The following EYS variants were observed in gnomAD, a reference collection of about 807,000 sequenced individuals.
EYS encodes the protein protein eyes shut homolog.
A neutral mutation model predicts 282.1 loss-of-function variants in EYS; 250 were observed. The ratio of observed to expected loss-of-function variants is 0.89; its 90% CI spans 0.80 to 0.98. EYS has a LOEUF of 0.98. Among genes scored for constraint, EYS ranks in the 50% least tolerant of loss-of-function variants. EYS has a pLI of 0.00. For synonymous variants in EYS, 1,355 were observed against 1,282.9 expected, an observed-to-expected ratio of 1.06 and a Z score of -1.20; for missense variants, 4,016 against 3,709.0, an observed-to-expected ratio of 1.08 and a Z score of -2.15.
At chr6:65,665,588 T>C (rs1443221881) in intron 1 of EYS, among the ~76,000 whole-genome samples, 1 of 152,096 alleles carries the variant, frequency 6.6e-6, no homozygotes, top group Admixed American at 6.6e-5. Flanking sequence ...TGTTATAATA[T>C]GAAATTGTGG....
intron 35 of EYS, among the ~76,000 whole-genome samples, chr6:63,969,764 G>A (rs1766468325): frequency 6.6e-6 from 1 of 152,160 alleles, no homozygotes; most frequent in African/African-American, 2.4e-5. Context: ...CATAATATAT[G>A]GGGCCCAGTT....
At chr6:64,725,132 C>A (rs1771711176) in intron 22 of EYS, among the ~76,000 whole-genome samples, 1 of 152,098 alleles carries the variant, frequency 6.6e-6, no homozygotes, top group South Asian at 2.1e-4. Flanking sequence ...ATGGGAAAAT[C>A]TTACATTTAA....
chr6:65,306,451 G>A (rs1244446287), intron 11 of EYS, among the ~76,000 whole-genome samples: 2 of 152,022 alleles, frequency 1.3e-5, no homozygotes, highest in East Asian at 1.9e-4. Flanking sequence ...GGGGTAGAAT[G>A]TTCAGGTTTC....
rs116375149 is a variant in EYS, at chr6:64,772,318, A to T, written c.3443+41060T>A. Among the ~76,000 whole-genome samples, 182 of 151,788 alleles carry T rather than the reference A, an allele frequency of 1.2e-3. 2 individuals carry two copies. Among genetic ancestry groups the T allele is most frequent in the African/African-American group, 3.9e-3 (163 of 41,494 alleles). ...CATGGTTGTCTAATTAGTTTTGAATATGAGTATCTGTTGATTTGTGTAAGT... is the reference window on the plus strand; with the variant it reads ...CATGGTTGTCTAATTAGTTTTGAATTTGAGTATCTGTTGATTTGTGTAAGT... On this transcript the variant is annotated intron_variant, in intron 22 of 42. Transcript: ENST00000503581.
chr6:64,526,247 T>C (rs1159588937), intron 26 of EYS, among the ~76,000 whole-genome samples: 3 of 151,704 alleles, frequency 2.0e-5, no homozygotes, highest in Admixed American at 6.6e-5. Flanking sequence ...ATCCTCGTGG[T>C]GATAGGAATG....
intron 14 of EYS, among the ~76,000 whole-genome samples, chr6:64,951,693 C>A (rs1769517110): frequency 6.6e-6 from 1 of 151,366 alleles, no homozygotes; most frequent in South Asian, 2.1e-4. Context: ...AAATTATAAC[C>A]TGAAATTTAA....
At chr6:64,268,805 G>C (rs904156782) in intron 30 of EYS, among the ~76,000 whole-genome samples, 1 of 152,112 alleles carries the variant, frequency 6.6e-6, no homozygotes. Context: ...GAGAAGCTTA[G>C]ACAATCCCAC....
At chr6:65,465,967 TATCA>T (rs34867855) in intron 5 of EYS, among the ~76,000 whole-genome samples, 62,741 of 150,390 alleles carry the variant, frequency 0.42, 13,197 homozygotes, top group Middle Eastern at 0.52. Flanking sequence ...TAAGACCCTG[TATCA>T]ATCAATCAAT....
chr6:63,987,591 C>T (rs538066995), intron 34 of EYS, among the ~76,000 whole-genome samples: 6 of 151,788 alleles, frequency 4.0e-5, no homozygotes, highest in African/African-American at 1.2e-4. Context: ...CACTGCTCTT[C>T]AGGGCTGTTA....
At chr6:65,074,588 TATG>T (rs914027860) in intron 12 of EYS, among the ~76,000 whole-genome samples, 54 of 152,208 alleles carry the variant, frequency 3.5e-4, no homozygotes, top group Middle Eastern at 3.4e-3. Flanking sequence ...AAGCAGAGTG[TATG>T]ATATTATTCC....
chr6:64,725,359 C>T (rs1158997797), intron 22 of EYS, among the ~76,000 whole-genome samples: 2 of 152,038 alleles, frequency 1.3e-5, no homozygotes, highest in Admixed American at 6.6e-5. Context: ...ACTTTCCTAT[C>T]GTGTTCTCCC....
chr6:64,662,645 G>T (rs1324813143), intron 22 of EYS, among the ~76,000 whole-genome samples: 1 of 152,090 alleles, frequency 6.6e-6, no homozygotes, highest in African/African-American at 2.4e-5. Flanking sequence ...ACTATTATAG[G>T]CTAAATCAAA....
At chr6:63,910,857 T>C (rs1026304641) in intron 35 of EYS, among the ~76,000 whole-genome samples, 15 of 152,176 alleles carry the variant, frequency 9.9e-5, no homozygotes, top group Non-Finnish European at 1.8e-4. Flanking sequence ...ATTTGTGTGA[T>C]TTATTGGCTT....
At chr6:64,274,481 G>GTTTTTTTTTTTTTTTTTTTTTT (rs10640761) in intron 30 of EYS, among the ~76,000 whole-genome samples, 4 of 92,230 alleles carry the variant, frequency 4.3e-5, no homozygotes, top group African/African-American at 1.9e-4. Flanking sequence ...ACGCCTGGCC[G>GTTTTTTTTTTTTTTTTTTTTTT]TTTTTTTTTT....
At chr6:65,142,721 C>A (rs1171040713) in intron 12 of EYS, among the ~76,000 whole-genome samples, 1 of 151,532 alleles carries the variant, frequency 6.6e-6, no homozygotes, top group East Asian at 1.9e-4. Context: ...GAAGGTCCTA[C>A]AAAGTGGAGG....
At chr6:63,772,286 G>A (rs1769950610) in intron 40 of EYS, among the ~76,000 whole-genome samples, 1 of 151,934 alleles carries the variant, frequency 6.6e-6, no homozygotes, top group South Asian at 2.1e-4. Flanking sequence ...TCAGCCTCCT[G>A]AGTAGAAAGT....
rs551045624 is a variant in EYS, at chr6:64,812,746, T to C, written c.3443+632A>G. Reference sequence around the variant, plus strand: ...TGAGACTGAAAGGAGGTCAAGTATGTGTGTATATTTTTTAATACCTGGGTT... The same window carrying C: ...TGAGACTGAAAGGAGGTCAAGTATGCGTGTATATTTTTTAATACCTGGGTT... On this transcript the variant is annotated intron_variant, in intron 22 of 42. Coordinates refer to ENST00000503581, the MANE Select transcript of EYS (RefSeq NM_001142800.2). Among the ~76,000 whole-genome samples the C allele has an allele frequency of 6.7e-5, 10 of 150,316 alleles. No homozygotes were observed. The South Asian group carries it at 2.1e-3, about 32-fold the overall frequency.
chr6:65,007,735 C>A (rs1771727506), intron 13 of EYS, among the ~76,000 whole-genome samples: 1 of 152,078 alleles, frequency 6.6e-6, no homozygotes, highest in South Asian at 2.1e-4. Flanking sequence ...CCAATTATGC[C>A]CCCTCCAAGC....
chr6:64,628,667 A>T (rs1221806553), intron 22 of EYS, among the ~76,000 whole-genome samples: 1 of 152,160 alleles, frequency 6.6e-6, no homozygotes, highest in Non-Finnish European at 1.5e-5. Flanking sequence ...TTATCAATTT[A>T]TATTCTTGGC....
Sources: gnomAD v4.1 joint callset for allele counts (sites outside exome capture counted in the v4.1 genomes callset) on GRCh38, gnomAD v4.1.1 for gene constraint, MANE v1.5 for transcripts, NCBI Gene and HGNC (gene_info 2026-07-23, HGNC 2026-07-21) for gene names.